The following PTPRS variants were observed in gnomAD, a reference collection of about 807,000 sequenced individuals.
PTPRS encodes receptor-type tyrosine-protein phosphatase S.
A neutral mutation model predicts 215.3 loss-of-function variants in PTPRS; 63 were observed. The observed-to-expected ratio is 0.29, with a 90% CI of 0.24 to 0.36. The LOEUF (loss-of-function observed/expected upper bound fraction) is 0.36. Among genes scored for constraint, PTPRS ranks in the 10% least tolerant of loss-of-function variants. The pLI, the probability that PTPRS is intolerant of heterozygous loss-of-function variation, is 1.00. For synonymous variants in PTPRS, 1,404 were observed against 1,191.4 expected (o/e 1.18, Z -3.68); for missense variants, 2,258 against 2,825.8 (o/e 0.80, Z 4.56).
intron 1 of PTPRS, among the ~76,000 whole-genome samples, chr19:5,308,637 G>A (rs2049582522): frequency 6.6e-6 from 1 of 152,200 alleles, no homozygotes; most frequent in Non-Finnish European, 1.5e-5. Context: ...GGAACCTGCA[G>A]ACTCACGTTC....
chr19:5,240,521 TC>T (rs2043942423), intron 11 of PTPRS, among the ~76,000 whole-genome samples, 189 bp from the exon 12 acceptor site: 1 of 152,014 alleles, frequency 6.6e-6, no homozygotes, highest in Non-Finnish European at 1.5e-5. Flanking sequence ...CCTCTCTTCT[TC>T]CAAAGGAAAA....
chr19:5,265,350 C>T (rs567467607), intron 4 of PTPRS, among the ~76,000 whole-genome samples, 154 bp from the exon 5 acceptor site: 18 of 152,244 alleles, frequency 1.2e-4, no homozygotes, highest in Non-Finnish European at 2.1e-4. Flanking sequence ...CCAGTTCTCT[C>T]TCTTTTTTTG....
chr19:5,308,891 A>G (rs2049593204), intron 1 of PTPRS, among the ~76,000 whole-genome samples: 1 of 152,336 alleles, frequency 6.6e-6, no homozygotes, highest in South Asian at 2.1e-4. Flanking sequence ...TCGTGTGTAT[A>G]TAATTTTGCT....
intron 1 of PTPRS, among the ~76,000 whole-genome samples, chr19:5,301,737 C>A (rs570271542): frequency 6.6e-5 from 10 of 152,158 alleles, no homozygotes; most frequent in Admixed American, 2.0e-4. Flanking sequence ...CAGTCTCCCC[C>A]CAATCCTCCC....
chr19:5,219,664 T>A (rs2041804187), intron 22 of PTPRS, among the ~76,000 whole-genome samples, 197 bp from the exon 23 acceptor site: 1 of 152,128 alleles, frequency 6.6e-6, no homozygotes, highest in African/African-American at 2.4e-5. Flanking sequence ...CTCCAGCCAC[T>A]CTCCTTTCTG....
intron 1 of PTPRS, among the ~76,000 whole-genome samples, chr19:5,311,921 T>A (rs2049716523): frequency 1.3e-5 from 2 of 151,730 alleles, no homozygotes; most frequent in Admixed American, 1.3e-4. Context: ...GCACCTGTAG[T>A]CCCAGCTACT....
rs995360312 is a variant in PTPRS at position 5,295,677 on chromosome 19, C to A, written c.-94-9443G>T. ...TCAGGCCCAGCCTCACCCAGGAGAG[C>A]CCCTCCGACCTTATTCTCCTCCAAA... On this transcript the variant is annotated intron_variant, in intron 1 of 37. Transcript: ENST00000262963. The surrounding 1 kb of genome is among the most constrained non-coding windows in gnomAD (Gnocchi z 4.6). 6.6e-6 allele frequency among the ~76,000 whole-genome samples: 1 copy of A among 152,232 alleles called. No homozygotes were observed. Among genetic ancestry groups the A allele is most frequent in the Non-Finnish European group, 1.5e-5 (1 of 68,044 alleles).
intron 2 of PTPRS, among the ~76,000 whole-genome samples, chr19:5,281,687 G>A (rs1175912249): frequency 6.6e-6 from 1 of 152,172 alleles, no homozygotes; most frequent in Non-Finnish European, 1.5e-5. Context: ...AAGGACATGA[G>A]GAAAAGTCAC....
At chr19:5,249,799 C>T (rs973885217) in intron 9 of PTPRS, among the ~76,000 whole-genome samples, 3 of 152,206 alleles carry the variant, frequency 2.0e-5, no homozygotes, top group South Asian at 4.1e-4. Flanking sequence ...ATTGTTGGAA[C>T]GTCAAAGGGA....
At chr19:5,252,873 CA>C (rs769636796) in intron 9 of PTPRS, among the ~76,000 whole-genome samples, 382 of 45,662 alleles carry the variant, frequency 8.4e-3, no homozygotes, top group South Asian at 0.021. Context: ...AACTCCATCT[CA>C]AAAAAAAAAA....
chr19:5,333,286 T>C (rs2050385087), intron 1 of PTPRS, among the ~76,000 whole-genome samples: 1 of 150,856 alleles, frequency 6.6e-6, no homozygotes, highest in Non-Finnish European at 1.5e-5. Flanking sequence ...GCCTGAGCAA[T>C]ATGGTGAAAC....
chr19:5,266,881 G>A (rs748148727), intron 4 of PTPRS, among the ~76,000 whole-genome samples: 2 of 151,906 alleles, frequency 1.3e-5, no homozygotes, highest in African/African-American at 2.4e-5. Context: ...TGGAATCCCC[G>A]TTCCCACATC....
intron 1 of PTPRS, among the ~76,000 whole-genome samples, chr19:5,290,749 G>T (rs2048746512): frequency 6.6e-6 from 1 of 152,030 alleles, no homozygotes. Flanking sequence ...GATTATGCCA[G>T]CAGTGGGACT....
chr19:5,215,693 G>A, intron 26 of PTPRS, 98 bp from the exon 27 acceptor site: 3 of 876,678 alleles, frequency 3.4e-6, no homozygotes, highest in Admixed American at 2.3e-5. Context: ...TGCGATGGGT[G>A]AGCTGTGGTT....
Position 5,210,510 on chromosome 19 carries a change from G to T in PTPRS, c.5446C>A (p.Pro1816Thr). The T allele has an allele frequency of 6.2e-7, 1 of 1,614,182 alleles. No homozygotes were observed. Among genetic ancestry groups the T allele is most frequent in the Non-Finnish European group, 8.5e-7 (1 of 1,180,038 alleles). Residue 1816 changes from proline to threonine, a missense_variant, in exon 35 of 38, where the codon CCT becomes ACT. Pro to Thr is a conservative substitution (Grantham distance 38, BLOSUM62 -1). This residue lies in a region of PTPRS where 927 missense variants were observed against 1,125.9 expected (regional missense o/e 0.82). Transcript: ENST00000262963. The surrounding 1 kb of genome is among the most constrained non-coding windows in gnomAD (Gnocchi z 4.5). ...VVDPMAEYNM[P>T]QYILREFKVT... ...TTGAACTCTCGCAGGATATACTGAG[G>T]CATGTTGTATTCTGCCATCGGATCT...
chr19:5,311,979 G>A (rs903550532), intron 1 of PTPRS, among the ~76,000 whole-genome samples: 17 of 151,966 alleles, frequency 1.1e-4, no homozygotes, highest in Non-Finnish European at 2.4e-4. Flanking sequence ...GGCGGAGCTT[G>A]CAGTGAGCCG....
chr19:5,206,923 C>A, intron 37 of PTPRS, 81 bp from the exon 38 acceptor site: 1 of 1,296,600 alleles, frequency 7.7e-7, no homozygotes, highest in Non-Finnish European at 1.1e-6. Context: ...AGGAGCAGGC[C>A]AAGCTCCTCA....
Position 5,208,388 on chromosome 19 carries a change from C to T in PTPRS, c.5491G>A (p.Gly1831Ser). 2 of 1,587,270 alleles carry T rather than the reference C, an allele frequency of 1.3e-6. No homozygotes were observed. The highest frequency in any genetic ancestry group is 8.6e-7 in the Non-Finnish European group (1 of 1,165,706). Reference sequence around the variant, plus strand: ...AACTGCCGGACAGTCCGGGACTGGCCATCCTAGAGTGCAGAGAGCCCAATC... The same window carrying T: ...AACTGCCGGACAGTCCGGGACTGGCTATCCTAGAGTGCAGAGAGCCCAATC... Reference protein sequence around the residue: ...REFKVTDARDGQSRTVRQFQF... With the variant: ...REFKVTDARDSQSRTVRQFQF... Residue 1831 changes from glycine to serine, a missense_variant, in exon 36 of 38, where the codon GGC (glycine) becomes AGC (serine). By Grantham distance (56) the Gly-to-Ser change is moderately conservative (BLOSUM62 0). Around this residue, in one of 6 missense-constraint regions of PTPRS, gnomAD observed 927 missense variants for 1,125.9 expected, o/e 0.82. Transcript: ENST00000262963.
In PTPRS at chr19:5,212,213, C is replaced by G; in HGVS notation, c.4807G>C (p.Asp1603His). Residue 1603 changes from aspartate (D) to histidine (H), a missense_variant, in exon 32 of 38, where the codon GAC becomes CAC. Asp to His is a moderately conservative substitution (Grantham distance 81, BLOSUM62 -1). Transcript: ENST00000262963. ...VGRTGCFIVIDAMLERIKPEK... is the reference protein window; with the variant it reads ...VGRTGCFIVIHAMLERIKPEK... ...GGCTTGATCCGCTCAAGCATGGCGT[C>G]GATGACGATAAAGCAGCCTGTGCGG... The G allele has an allele frequency of 6.2e-7, 1 of 1,613,348 alleles. No individual in the cohort carries two copies. Among genetic ancestry groups the G allele is most frequent in the Non-Finnish European group, 8.5e-7 (1 of 1,179,778 alleles).
Sources: gnomAD v4.1 joint callset for allele counts (sites outside exome capture counted in the v4.1 genomes callset) on GRCh38, gnomAD v4.1.1 for gene constraint, gnomAD v4.1.1 regional missense constraint, Gnocchi (gnomAD v3.1) non-coding constraint, MANE v1.5 for transcripts, NCBI Gene and HGNC (gene_info 2026-07-23, HGNC 2026-07-21) for gene names.